Variants in EPHB1 observed in about 807,000 individuals in gnomAD.
EPHB1 encodes ephrin type-B receptor 1.
In EPHB1, 30 loss-of-function variants were observed where a neutral mutation model predicts 94.4. That is an observed-to-expected ratio of 0.32 (90% CI 0.24 to 0.43). The LOEUF is 0.43. Among genes scored for constraint, EPHB1 ranks in the 20% least tolerant of loss-of-function variants. The probability of loss-of-function intolerance (pLI) is 1.00; values close to 1 mark genes in which losing one functional copy is unlikely to be tolerated. For synonymous variants in EPHB1, 522 were observed against 489.1 expected (o/e 1.07, Z -0.89); for missense variants, 1,055 against 1,308.3 (o/e 0.81, Z 2.99).
intron 1 of EPHB1, among the ~76,000 whole-genome samples, chr3:134,846,341 C>A (rs1021978878): frequency 6.6e-6 from 1 of 152,158 alleles, no homozygotes; most frequent in East Asian, 1.9e-4. Flanking sequence ...CGGGGCAGGG[C>A]TCCGAGGCCC....
At chr3:135,161,932 T>G in intron 6 of EPHB1, 86 bp from the exon 7 acceptor site, 1 of 1,403,292 alleles carries the variant, frequency 7.1e-7, no homozygotes. Context: ...CAAGAAATGA[T>G]GGGGCCTGAA....
In EPHB1 at chr3:135,248,370, G is replaced by T. The variant is rs761573619; in HGVS notation, c.2551G>T (p.Ala851Ser). The T allele has an allele frequency of 6.2e-7, 1 of 1,612,414 alleles. No individual in the cohort carries two copies. The highest frequency in any genetic ancestry group is 2.2e-5 in the East Asian group (1 of 44,808). ...YRLPPPMDCP[A>S]ALHQLMLDCW... The stretch of plus-strand genomic sequence containing the variant: ...GCTGCCCCCACCCATGGACTGTCCA[G>T]CTGCTCTACACCAGCTCATGCTGGA... Residue 851 changes from alanine to serine, a missense_variant, in exon 14 of 16, where the codon GCT becomes TCT. Physicochemically the swap from Ala to Ser is moderately conservative, Grantham distance 99. Coordinates refer to ENST00000398015, the MANE Select transcript of EPHB1 (RefSeq NM_004441.5).
intron 3 of EPHB1, among the ~76,000 whole-genome samples, chr3:135,071,190 G>A (rs1937695947): frequency 6.6e-6 from 1 of 152,228 alleles, no homozygotes; most frequent in Admixed American, 6.5e-5. Context: ...TTTGCTGGTA[G>A]AACCACTAAG....
chr3:135,118,721 G>A (rs964428898), intron 4 of EPHB1, among the ~76,000 whole-genome samples: 3 of 152,162 alleles, frequency 2.0e-5, no homozygotes, highest in Admixed American at 6.5e-5. Context: ...CATGCAAGGC[G>A]GCTGGGAAAG....
At chr3:134,802,949 A>C (rs1463414763) in intron 1 of EPHB1, among the ~76,000 whole-genome samples, 1 of 152,108 alleles carries the variant, frequency 6.6e-6, no homozygotes, top group Non-Finnish European at 1.5e-5. Context: ...TTTCAAGATG[A>C]TCTGCTTGCG....
intron 15 of EPHB1, among the ~76,000 whole-genome samples, chr3:135,254,570 G>A (rs146910295): frequency 0.01 from 1,579 of 152,150 alleles, 26 homozygotes; most frequent in East Asian, 0.04. Flanking sequence ...AAGCCCACTT[G>A]ATCATGGTGA....
chr3:135,256,421 C>CA (rs1400002326), intron 15 of EPHB1, among the ~76,000 whole-genome samples: 5 of 152,144 alleles, frequency 3.3e-5, no homozygotes, highest in South Asian at 2.1e-4. Context: ...CTGGTGGTGA[C>CA]AAAATCTCTC....
At chr3:135,106,952 C>T (rs551646019) in intron 4 of EPHB1, among the ~76,000 whole-genome samples, 3 of 152,250 alleles carry the variant, frequency 2.0e-5, no homozygotes, top group East Asian at 1.9e-4. Context: ...CCTCCTGGTG[C>T]CTATAGCTGA....
chr3:134,925,666 C>T, intron 1 of EPHB1, 150 bp from the exon 2 acceptor site: 1 of 615,224 alleles, frequency 1.6e-6, no homozygotes, highest in Non-Finnish European at 2.7e-6. Context: ...CCTTGGGCTT[C>T]ACAGAGAGAC....
chr3:135,205,215 T>C (rs766631605), intron 12 of EPHB1, among the ~76,000 whole-genome samples: 4 of 152,338 alleles, frequency 2.6e-5, no homozygotes, highest in East Asian at 1.9e-4. Flanking sequence ...GCTAGTGACA[T>C]TGATATCTTT....
In EPHB1 at chr3:135,093,703, C is replaced by T. The variant is rs111531299; in HGVS notation, c.806-12745C>T. 3.8e-3 allele frequency among the ~76,000 whole-genome samples: 542 copies of T among 140,958 alleles called. 4 individuals carry two copies. Among genetic ancestry groups the T allele is most frequent in the African/African-American group, 0.013 (510 of 38,176 alleles). 92.5% of individuals were successfully genotyped at this position (140,958 alleles called of 152,430 possible). A position where few individuals can be genotyped will look rare whatever the true frequency, so the allele number is the denominator to read the frequency against. On this transcript the variant is annotated intron_variant, in intron 3 of 15. Coordinates refer to ENST00000398015, the MANE Select transcript of EPHB1 (RefSeq NM_004441.5). Reference sequence around the variant, plus strand: ...CACCACTGCACTCCAACCTGGGTAACAGAGTGAGACCCTGACTCAAAAAAA... The same window carrying T: ...CACCACTGCACTCCAACCTGGGTAATAGAGTGAGACCCTGACTCAAAAAAA...
intron 10 of EPHB1, among the ~76,000 whole-genome samples, chr3:135,188,195 T>TA (rs202069329): frequency 0.011 from 1,479 of 135,074 alleles, 41 homozygotes; most frequent in South Asian, 0.038. Context: ...CGAGACTGTC[T>TA]AAAAAAATAA....
chr3:134,957,678 C>T (rs761405041), intron 3 of EPHB1, among the ~76,000 whole-genome samples: 1 of 152,162 alleles, frequency 6.6e-6, no homozygotes, highest in Non-Finnish European at 1.5e-5. Flanking sequence ...TAGAAACAAA[C>T]ATCCCTGCAG....
intron 3 of EPHB1, among the ~76,000 whole-genome samples, chr3:134,966,656 G>A (rs1264194648): frequency 2.0e-5 from 3 of 152,274 alleles, no homozygotes; most frequent in South Asian, 2.1e-4. Flanking sequence ...CCATGCAGGA[G>A]CAGCTAAGTC....
chr3:134,817,550 G>A (rs976273987), intron 1 of EPHB1, among the ~76,000 whole-genome samples: 8 of 152,224 alleles, frequency 5.3e-5, no homozygotes, highest in African/African-American at 1.9e-4. Flanking sequence ...GCTGCTATTG[G>A]GAGTCAGAGA....
chr3:135,100,708 G>A (rs936756246), intron 3 of EPHB1, among the ~76,000 whole-genome samples: 1 of 152,180 alleles, frequency 6.6e-6, no homozygotes, highest in Non-Finnish European at 1.5e-5. Context: ...TGTCTCGAGA[G>A]TATGGTAAGC....
At chr3:135,189,564 TAACC>T (rs1210814937) in intron 10 of EPHB1, among the ~76,000 whole-genome samples, 1 of 152,242 alleles carries the variant, frequency 6.6e-6, no homozygotes, top group Non-Finnish European at 1.5e-5. Context: ...GCAAATTATG[TAACC>T]AATCCTTTGG....
At chr3:134,821,680 G>A (rs2036383464) in intron 1 of EPHB1, among the ~76,000 whole-genome samples, 1 of 152,204 alleles carries the variant, frequency 6.6e-6, no homozygotes, top group Admixed American at 6.5e-5. Flanking sequence ...GCGATGAAGG[G>A]CAGAAGCCTG....
chr3:135,034,211 A>G (rs1936575063), intron 3 of EPHB1, among the ~76,000 whole-genome samples: 1 of 152,228 alleles, frequency 6.6e-6, no homozygotes, highest in African/African-American at 2.4e-5. Flanking sequence ...CCAGAGAAAC[A>G]GGGGGCATCC....
Sources: allele counts gnomAD v4.1 joint callset (sites outside exome capture counted in the v4.1 genomes callset), GRCh38; gene constraint gnomAD v4.1.1; transcripts MANE v1.5; gene names NCBI Gene and HGNC (gene_info 2026-07-23, HGNC 2026-07-21).